RPS6KC1: variants seen among roughly 807,000 people sequenced by gnomAD.
RPS6KC1 encodes ribosomal protein S6 kinase C1.
Under a neutral mutation model 103.8 loss-of-function variants are expected in RPS6KC1, and 54 were observed. The ratio of observed to expected loss-of-function variants is 0.52; its 90% CI spans 0.42 to 0.65. The LOEUF (loss-of-function observed/expected upper bound fraction) is 0.65. Among genes scored for constraint, RPS6KC1 ranks in the 30% least tolerant of loss-of-function variants. The pLI, the probability that RPS6KC1 is intolerant of heterozygous loss-of-function variation, is 0.00. For synonymous variants in RPS6KC1, 439 were observed against 438.7 expected, an observed-to-expected ratio of 1.00 and a Z score of -0.01; for missense variants, 1,151 against 1,253.8, an observed-to-expected ratio of 0.92 and a Z score of 1.24.
the RPS6KC1 span, among the ~76,000 whole-genome samples, chr1:213,569,651 A>G: frequency 6.6e-6 from 1 of 152,174 alleles, no homozygotes; most frequent in Non-Finnish European, 1.5e-5. Context: ...AGGTCTTAGG[A>G]ACAAGAAATG....
chr1:213,489,203 C>T, the RPS6KC1 span, among the ~76,000 whole-genome samples: 1 of 152,222 alleles, frequency 6.6e-6, no homozygotes, highest in African/African-American at 2.4e-5. Flanking sequence ...GTGATCAGAC[C>T]TGAGTACAGT....
chr1:213,524,334 G>A, the RPS6KC1 span, among the ~76,000 whole-genome samples: 4 of 151,822 alleles, frequency 2.6e-5, no homozygotes, highest in South Asian at 4.2e-4. Context: ...AGGCAGCTCA[G>A]TGGTGCTCTC....
chr1:213,553,870 G>T, the RPS6KC1 span, among the ~76,000 whole-genome samples: 1 of 151,790 alleles, frequency 6.6e-6, no homozygotes, highest in African/African-American at 2.4e-5. Context: ...CATTTTTTTT[G>T]TGGGGTTGTT....
chr1:213,349,239 C>A, the RPS6KC1 span, among the ~76,000 whole-genome samples: 2 of 152,204 alleles, frequency 1.3e-5, no homozygotes, highest in South Asian at 2.1e-4. Flanking sequence ...CACAAACACA[C>A]TTTGAACATA....
At chr1:213,553,449 A>T in the RPS6KC1 span, among the ~76,000 whole-genome samples, 6 of 152,224 alleles carry the variant, frequency 3.9e-5, no homozygotes, top group African/African-American at 1.4e-4. Context: ...TGCTATTGTG[A>T]ATAGTGCTGC....
intron 9 of RPS6KC1, among the ~76,000 whole-genome samples, chr1:213,230,798 G>T (rs563880820): frequency 5.8e-5 from 8 of 137,230 alleles, no homozygotes; most frequent in South Asian, 4.5e-4. Flanking sequence ...TTGCACCATT[G>T]CACTCCAGCC....
the RPS6KC1 span, among the ~76,000 whole-genome samples, chr1:213,309,822 T>C: frequency 9.2e-5 from 14 of 152,150 alleles, no homozygotes; most frequent in Admixed American, 9.2e-4. Context: ...GTAGCTGGGA[T>C]TACAGGTGTC....
chr1:213,679,722 A>G, the RPS6KC1 span, among the ~76,000 whole-genome samples: 1 of 152,182 alleles, frequency 6.6e-6, no homozygotes, highest in Non-Finnish European at 1.5e-5. Context: ...CTACTATCCT[A>G]CTGCTTTCTC....
chr1:213,588,262 T>G, the RPS6KC1 span, among the ~76,000 whole-genome samples: 1 of 150,514 alleles, frequency 6.6e-6, no homozygotes, highest in Non-Finnish European at 1.5e-5. Context: ...GAGAGTAGAG[T>G]CCTCATGACC....
chr1:213,322,263 G>C, the RPS6KC1 span, among the ~76,000 whole-genome samples: 4 of 152,166 alleles, frequency 2.6e-5, no homozygotes, highest in African/African-American at 9.7e-5. Flanking sequence ...CTGCACTCTA[G>C]CCTGGGTGAC....
At chr1:213,207,614 G>A (rs575224351) in intron 8 of RPS6KC1, among the ~76,000 whole-genome samples, 13 of 152,100 alleles carry the variant, frequency 8.5e-5, no homozygotes, top group African/African-American at 2.9e-4. Flanking sequence ...CCTTCTTAGA[G>A]TCTCATATTT....
chr1:213,423,507 G>T, the RPS6KC1 span, among the ~76,000 whole-genome samples: 1 of 152,200 alleles, frequency 6.6e-6, no homozygotes, highest in Non-Finnish European at 1.5e-5. Context: ...GACAAGGAGA[G>T]TACCCAGGAG....
intron 4 of RPS6KC1, among the ~76,000 whole-genome samples, chr1:213,105,213 T>G (rs1440207705): frequency 2.1e-5 from 3 of 142,190 alleles, no homozygotes; most frequent in Non-Finnish European, 4.5e-5. Context: ...GCTTTCATTT[T>G]AAGTTTTTTT....
At chr1:213,581,047 G>A in the RPS6KC1 span, among the ~76,000 whole-genome samples, 5 of 151,980 alleles carry the variant, frequency 3.3e-5, no homozygotes, top group South Asian at 4.1e-4. Flanking sequence ...GTAAATGTTG[G>A]TACCAACTGG....
the RPS6KC1 span, among the ~76,000 whole-genome samples, chr1:213,400,273 G>A: frequency 5.5e-3 from 842 of 152,186 alleles, 14 homozygotes; most frequent in African/African-American, 0.019. Context: ...ACCCAGCCAC[G>A]AAACCACATT....
the RPS6KC1 span, chr1:213,842,350 G>T: frequency 6.6e-6 from 1 of 152,148 alleles, no homozygotes; most frequent in East Asian, 1.9e-4. Context: ...GAAGACAGGA[G>T]AGGCAGTACC....
chr1:213,132,676 C>G (rs879436741), intron 6 of RPS6KC1, among the ~76,000 whole-genome samples: 4 of 152,176 alleles, frequency 2.6e-5, no homozygotes, highest in Non-Finnish European at 5.9e-5. Flanking sequence ...TGAAATATCT[C>G]TATAGCCAGT....
intron 8 of RPS6KC1, among the ~76,000 whole-genome samples, chr1:213,177,635 A>C (rs986136011): frequency 6.6e-5 from 10 of 152,118 alleles, no homozygotes; most frequent in African/African-American, 2.4e-5. Flanking sequence ...TTCTTTTTTT[A>C]AGAGCCTGAA....
At chr1:213,677,572 C>T in the RPS6KC1 span, among the ~76,000 whole-genome samples, 16 of 152,248 alleles carry the variant, frequency 1.1e-4, no homozygotes, top group East Asian at 7.7e-4. Context: ...AATGTAAACC[C>T]GGAGTTCAGA....
Sources: gnomAD v4.1 joint callset for allele counts (sites outside exome capture counted in the v4.1 genomes callset) on GRCh38, gnomAD v4.1.1 for gene constraint, MANE v1.5 for transcripts, NCBI Gene and HGNC (gene_info 2026-07-23, HGNC 2026-07-21) for gene names.